OSBPL6: variants seen among roughly 807,000 people sequenced by gnomAD.
OSBPL6 encodes oxysterol binding protein like 6.
OSBPL6 carries 49 observed loss-of-function variants against 125.8 expected under a neutral mutation model. That is an observed-to-expected ratio of 0.39 (90% CI 0.31 to 0.49). The LOEUF is 0.49. OSBPL6 is among the 20% of genes least tolerant of loss of function. The pLI is 0.88. For missense variants in OSBPL6, 986 were observed against 1,135.4 expected (o/e 0.87, Z 1.89); for synonymous variants, 394 against 391.8 (o/e 1.01, Z -0.07).
At chr2:178,205,923 C>T (rs543852416) in intron 1 of OSBPL6, among the ~76,000 whole-genome samples, 6 of 152,136 alleles carry the variant, frequency 3.9e-5, no homozygotes, top group African/African-American at 1.2e-4. Context: ...ATGAAAATAT[C>T]AAAGGGTGGG....
intron 1 of OSBPL6, among the ~76,000 whole-genome samples, chr2:178,226,036 T>C (rs2090547648): frequency 1.3e-5 from 2 of 152,220 alleles, no homozygotes; most frequent in Admixed American, 1.3e-4. Flanking sequence ...AGCCCGGAGC[T>C]AGTAACAGAA....
At position 178,234,568 on chromosome 2, in the gene OSBPL6, A is replaced by G. The variant is rs2090972370; in HGVS notation, c.-351+39894A>G. Among the ~76,000 whole-genome samples, 4 of 152,228 alleles carry G rather than the reference A, an allele frequency of 2.6e-5. No homozygotes were observed. The South Asian group carries it at 8.3e-4, about 32-fold the overall frequency. ...TACAAAACTATAGTACAGTATCAAAACCCTGACATAGACATTAGTACAATC... is the reference window on the plus strand; with the variant it reads ...TACAAAACTATAGTACAGTATCAAAGCCCTGACATAGACATTAGTACAATC... On this transcript the variant is annotated intron_variant, in intron 1 of 24. Coordinates refer to ENST00000190611, the MANE Select transcript of OSBPL6 (RefSeq NM_032523.4).
At chr2:178,375,417 TTG>T (rs1333600762) in intron 15 of OSBPL6, among the ~76,000 whole-genome samples, 1 of 151,570 alleles carries the variant, frequency 6.6e-6, no homozygotes, top group South Asian at 2.1e-4. Flanking sequence ...GTTGTTGTTT[TTG>T]TTTTTGTTTG....
At chr2:178,244,144 T>A (rs1574608481) in intron 1 of OSBPL6, among the ~76,000 whole-genome samples, 1 of 152,310 alleles carries the variant, frequency 6.6e-6, no homozygotes, top group East Asian at 1.9e-4. Context: ...CTGGTCTGGT[T>A]TAAATTCCTG....
chr2:178,358,223 A>G (rs956829730), intron 12 of OSBPL6, among the ~76,000 whole-genome samples: 1 of 152,200 alleles, frequency 6.6e-6, no homozygotes, highest in African/African-American at 2.4e-5. Context: ...CTAGAATTTA[A>G]ACTAAAATAA....
chr2:178,352,350 A>T (rs577701795), intron 12 of OSBPL6, among the ~76,000 whole-genome samples: 3 of 152,328 alleles, frequency 2.0e-5, no homozygotes, highest in African/African-American at 7.2e-5. Flanking sequence ...AAGCCATGAC[A>T]GACTGTACCT....
At chr2:178,303,398 G>A (rs1377459515) in intron 2 of OSBPL6, among the ~76,000 whole-genome samples, 1 of 151,904 alleles carries the variant, frequency 6.6e-6, no homozygotes, top group East Asian at 1.9e-4. Flanking sequence ...GTAATTATTG[G>A]GATTGTTCTT....
intron 1 of OSBPL6, among the ~76,000 whole-genome samples, chr2:178,278,058 A>G (rs1288268681): frequency 1.3e-5 from 2 of 152,154 alleles, no homozygotes; most frequent in Non-Finnish European, 2.9e-5. Context: ...TCTGAACTAC[A>G]GACTACACTT....
At chr2:178,258,202 G>T (rs1356208792) in intron 1 of OSBPL6, among the ~76,000 whole-genome samples, 2 of 152,154 alleles carry the variant, frequency 1.3e-5, no homozygotes, top group Middle Eastern at 3.4e-3. Flanking sequence ...CCCAATTCAA[G>T]CGCTTCTCCT....
intron 1 of OSBPL6, among the ~76,000 whole-genome samples, chr2:178,208,284 TAA>T (rs538044941): frequency 1.7e-4 from 19 of 111,702 alleles, no homozygotes; most frequent in Non-Finnish European, 1.5e-4. Context: ...AGACTCTGTC[TAA>T]AAAAAAAAAA....
In OSBPL6 at chr2:178,375,465, C is replaced by T. The variant is rs185118322; in HGVS notation, c.1533+1438C>T. ...GAGACAGAGTTTCGCTCTTGTTGCC[C>T]GGGCTGGAGGGCAGTGGCGCAATCT... is the stretch of plus-strand genomic sequence containing the variant. On this transcript the variant is annotated intron_variant, in intron 15 of 24. Coordinates refer to ENST00000190611, the MANE Select transcript of OSBPL6 (RefSeq NM_032523.4). Among the ~76,000 whole-genome samples the T allele has an allele frequency of 1.9e-4, 29 of 152,156 alleles. No homozygotes were observed. The East Asian group carries it at 2.7e-3, about 14-fold the overall frequency.
At chr2:178,337,945 T>C (rs1341623323) in intron 9 of OSBPL6, among the ~76,000 whole-genome samples, 1 of 145,788 alleles carries the variant, frequency 6.9e-6, no homozygotes, top group African/African-American at 2.6e-5. Context: ...TAACTCAGTA[T>C]TCTCTTTTTT....
Position 178,351,322 on chromosome 2 carries a change from C to A in OSBPL6, c.1153+1933C>A, listed in dbSNP as rs193058969. Among the ~76,000 whole-genome samples, 9 of 152,116 alleles carry A rather than the reference C, an allele frequency of 5.9e-5. No homozygotes were observed. The East Asian group carries it at 1.7e-3, about 29-fold the overall frequency. On this transcript the variant is annotated intron_variant, in intron 12 of 24. Transcript: ENST00000190611. ...TAAAATGATCTCTATTTGCAAATGA[C>A]ATGATCCTATGTGTAGAAAACCCAA...
At chr2:178,386,105 G>C (rs539736821) in intron 19 of OSBPL6, among the ~76,000 whole-genome samples, 3 of 152,214 alleles carry the variant, frequency 2.0e-5, no homozygotes, top group Admixed American at 2.0e-4. Flanking sequence ...AGTGTAAATA[G>C]TTCCTTCGTG....
At chr2:178,211,900 TCCA>T (rs1439105069) in intron 1 of OSBPL6, among the ~76,000 whole-genome samples, 1 of 152,186 alleles carries the variant, frequency 6.6e-6, no homozygotes, top group Non-Finnish European at 1.5e-5. Context: ...TGGCCTGGAC[TCCA>T]CCAATTATAA....
chr2:178,262,230 A>G (rs1382177003), intron 1 of OSBPL6, among the ~76,000 whole-genome samples: 1 of 152,204 alleles, frequency 6.6e-6, no homozygotes, highest in African/African-American at 2.4e-5. Context: ...TTGCTAAAAA[A>G]TCTCTGCCAT....
intron 23 of OSBPL6, among the ~76,000 whole-genome samples, chr2:178,394,012 T>G (rs556532379): frequency 1.3e-5 from 2 of 152,316 alleles, no homozygotes; most frequent in South Asian, 4.1e-4. Flanking sequence ...AAATCTCAAG[T>G]TATAGAACCC....
In OSBPL6 at chr2:178,324,249, G is replaced by A. The variant is rs1051918511; in HGVS notation, c.175G>A (p.Glu59Lys). 2 of 1,573,724 alleles carry A rather than the reference G, an allele frequency of 1.3e-6. No homozygotes were observed. The highest frequency in any genetic ancestry group is 1.7e-6 in the Non-Finnish European group (2 of 1,153,288). The change falls in exon 4 of 25, where the codon GAG becomes AAG. Residue 59 changes from glutamate (E) to lysine (K), a missense_variant. This residue lies in a region of OSBPL6 where 130 missense variants were observed against 106.4 expected (regional missense o/e 1.22). Coordinates refer to ENST00000190611, the MANE Select transcript of OSBPL6 (RefSeq NM_032523.4). ...PSVSRQLLEPEPVPLSKEADS... is the reference protein window; with the variant it reads ...PSVSRQLLEPKPVPLSKEADS... ...TGTAAGTCGGCAATTGCTAGAACCG[G>A]AGCCAGTCCCCCTCTCCAAGGTCAG...
intron 21 of OSBPL6, 91 bp downstream of exon 21, chr2:178,389,244 A>G (rs112115326): frequency 2.3e-6 from 3 of 1,282,854 alleles, no homozygotes; most frequent in East Asian, 5.0e-5. Flanking sequence ...GCAGCAAGTG[A>G]ATCTGTCCTG....
Sources: allele counts gnomAD v4.1 joint callset (sites outside exome capture counted in the v4.1 genomes callset), GRCh38; gene constraint gnomAD v4.1.1; regional missense constraint gnomAD v4.1.1; transcripts MANE v1.5; gene names NCBI Gene and HGNC (gene_info 2026-07-23, HGNC 2026-07-21).